The following MAP2K4 variants were observed in gnomAD, a reference collection of about 807,000 sequenced individuals.
MAP2K4 encodes the protein dual specificity mitogen-activated protein kinase kinase 4.
MAP2K4 carries 4 observed loss-of-function variants against 48.5 expected under a neutral mutation model. The ratio of observed to expected loss-of-function variants is 0.08; its 90% confidence interval spans 0.04 to 0.19. The LOEUF is 0.19. Ranked by LOEUF, MAP2K4 falls within the 10% of genes least tolerant of loss-of-function variation. The pLI, the probability that MAP2K4 is intolerant of heterozygous loss-of-function variation, is 1.00. For missense variants in MAP2K4, 258 were observed against 493.3 expected, an observed-to-expected ratio of 0.52 and a Z score of 4.52; for synonymous variants, 166 against 173.1, an observed-to-expected ratio of 0.96 and a Z score of 0.32.
intron 1 of MAP2K4, among the ~76,000 whole-genome samples, chr17:12,040,061 T>C (rs897782655): frequency 6.6e-6 from 1 of 152,184 alleles, no homozygotes; most frequent in African/African-American, 2.4e-5. Flanking sequence ...TCAGGAGGCA[T>C]ATGATTTCTT....
Position 12,142,757 on chromosome 17 carries a change from A to G in MAP2K4, c.*1497A>G. On this transcript the variant is annotated 3_prime_UTR_variant, in exon 11 of 11. Transcript: ENST00000353533. ...CCATTTAAGTATCTTGTGCTTCTTCACTTACCCATTAGCCAGGTTCTCATT... is the reference window on the plus strand; with the variant it reads ...CCATTTAAGTATCTTGTGCTTCTTCGCTTACCCATTAGCCAGGTTCTCATT... The G allele has an allele frequency of 4.3e-6, 1 of 232,958 alleles. No homozygotes were observed. Among genetic ancestry groups the G allele is most frequent in the Non-Finnish European group, 8.5e-6 (1 of 117,854 alleles). 14.4% of individuals were successfully genotyped at this position (232,958 alleles called of 1,614,324 possible). A position where few individuals can be genotyped will look rare whatever the true frequency, so the allele number is the denominator to read the frequency against.
intron 1 of MAP2K4, among the ~76,000 whole-genome samples, chr17:12,039,796 CTG>C (rs1167239238): frequency 2.0e-5 from 3 of 152,178 alleles, no homozygotes; most frequent in African/African-American, 7.2e-5. Context: ...TTCTTTAAGT[CTG>C]TGGTAATTCC....
intron 2 of MAP2K4, chr17:12,069,926 T>G (rs1225658380): frequency 1.0e-5 from 1 of 99,848 alleles, no homozygotes; most frequent in Non-Finnish European, 1.9e-5. Context: ...TATATATATA[T>G]ATATATATAT....
At chr17:12,026,993 A>G (rs1969271921) in intron 1 of MAP2K4, 2 of 152,218 alleles carry the variant, frequency 1.3e-5, no homozygotes. Flanking sequence ...TTTTAACACT[A>G]TATATAAAAG....
intron 4 of MAP2K4, among the ~76,000 whole-genome samples, chr17:12,096,507 T>G (rs989549857): frequency 6.6e-6 from 1 of 152,284 alleles, no homozygotes; most frequent in African/African-American, 2.4e-5. Context: ...CTTAGTTGAG[T>G]AGGACTTGAA....
intron 7 of MAP2K4, among the ~76,000 whole-genome samples, chr17:12,115,015 A>G (rs1022879092): frequency 2.0e-5 from 3 of 152,210 alleles, no homozygotes; most frequent in African/African-American, 2.4e-5. Flanking sequence ...CAAGAACTCA[A>G]TCAATGTTAA....
At chr17:12,078,212 A>G (rs1971075615) in intron 2 of MAP2K4, among the ~76,000 whole-genome samples, 2 of 152,198 alleles carry the variant, frequency 1.3e-5, no homozygotes, top group Admixed American at 1.3e-4. Context: ...GTTGGGTGAC[A>G]GCTGATAGTT....
chr17:12,140,403 ATTTG>A (rs1284677433), intron 10 of MAP2K4, among the ~76,000 whole-genome samples: 2 of 152,342 alleles, frequency 1.3e-5, no homozygotes, highest in Admixed American at 6.5e-5. Context: ...GAAAAGATCC[ATTTG>A]TTTGTCACAT....
At chr17:12,064,859 A>C (rs1374735478) in intron 2 of MAP2K4, among the ~76,000 whole-genome samples, 1 of 152,242 alleles carries the variant, frequency 6.6e-6, no homozygotes, top group Non-Finnish European at 1.5e-5. Flanking sequence ...TATATTATTT[A>C]ACAAAATACT....
chr17:12,048,641 CTTTA>C (rs1289962536), intron 1 of MAP2K4, among the ~76,000 whole-genome samples: 4 of 152,010 alleles, frequency 2.6e-5, no homozygotes, highest in East Asian at 1.9e-4. Flanking sequence ...ATCTCTTTTT[CTTTA>C]TTTATTTTTA....
intron 3 of MAP2K4, among the ~76,000 whole-genome samples, chr17:12,092,596 T>C (rs546549188): frequency 6.6e-6 from 1 of 152,380 alleles, no homozygotes; most frequent in East Asian, 1.9e-4. Flanking sequence ...TTAAAATCAC[T>C]AATTTGAAGT....
rs1973381489 is a variant in MAP2K4, at chr17:12,141,658, T to A, written c.*398T>A. ...TGGAAGGACACAGTGATGAATGTAC[T>A]ATGTCTGAACATAGAAACTCGGGCT... On this transcript the variant is annotated 3_prime_UTR_variant, in exon 11 of 11. Transcript: ENST00000353533. 3.7e-6 allele frequency: 1 copy of A among 268,432 alleles called. No individual in the cohort carries two copies. Among genetic ancestry groups the A allele is most frequent in the Non-Finnish European group, 7.2e-6 (1 of 139,624 alleles). The allele number at this position is 268,432 out of a possible 1,614,324, so 16.6% of individuals were successfully genotyped here.
chr17:12,071,451 G>T (rs1970805112), intron 2 of MAP2K4, among the ~76,000 whole-genome samples: 1 of 152,098 alleles, frequency 6.6e-6, no homozygotes. Context: ...AACATAAGCA[G>T]TAGAGTAAAG....
At chr17:12,131,234 C>CTTTT (rs11307653) in intron 9 of MAP2K4, among the ~76,000 whole-genome samples, 21 of 130,890 alleles carry the variant, frequency 1.6e-4, no homozygotes, top group Non-Finnish European at 2.0e-4. Context: ...GGTCACATTT[C>CTTTT]TTTTTTTTTT....
chr17:12,086,438 C>T (rs1971364189), intron 3 of MAP2K4, among the ~76,000 whole-genome samples: 1 of 152,090 alleles, frequency 6.6e-6, no homozygotes, highest in Middle Eastern at 3.2e-3. Context: ...GGTTGGAATT[C>T]CCAGTATACA....
At chr17:12,117,829 C>A (rs574405977) in intron 7 of MAP2K4, among the ~76,000 whole-genome samples, 8 of 152,044 alleles carry the variant, frequency 5.3e-5, no homozygotes, top group African/African-American at 1.9e-4. Context: ...CCATATATGA[C>A]CTGAAGAAAC....
At chr17:12,023,477 T>A (rs1336102092) in intron 1 of MAP2K4, among the ~76,000 whole-genome samples, 1 of 152,116 alleles carries the variant, frequency 6.6e-6, no homozygotes, top group Non-Finnish European at 1.5e-5. Context: ...TTCCATTCCT[T>A]CTCCCCCAAT....
At chr17:12,118,564 C>T (rs1396825117) in intron 7 of MAP2K4, among the ~76,000 whole-genome samples, 2 of 152,190 alleles carry the variant, frequency 1.3e-5, no homozygotes. Context: ...CCATTGATAA[C>T]TGTTCTGCTT....
At chr17:12,095,209 A>G (rs775760532) in intron 3 of MAP2K4, among the ~76,000 whole-genome samples, 1 of 152,248 alleles carries the variant, frequency 6.6e-6, no homozygotes, top group African/African-American at 2.4e-5. Flanking sequence ...GTATGTATAC[A>G]GCTACCTATA....
Sources: allele counts gnomAD v4.1 joint callset (sites outside exome capture counted in the v4.1 genomes callset), GRCh38; gene constraint gnomAD v4.1.1; transcripts MANE v1.5; gene names NCBI Gene and HGNC (gene_info 2026-07-23, HGNC 2026-07-21).